Variants in LARP1B observed in about 807,000 individuals in gnomAD.
LARP1B encodes La ribonucleoprotein 1B.
A neutral mutation model predicts 114.2 loss-of-function variants in LARP1B; 76 were observed. The ratio of observed to expected loss-of-function variants is 0.67; its 90% confidence interval spans 0.55 to 0.81. The LOEUF is 0.81. LARP1B is among the 30% of genes least tolerant of loss of function. LARP1B has a pLI of 0.00. For missense variants in LARP1B, 1,014 were observed against 1,075.8 expected, an observed-to-expected ratio of 0.94 and a Z score of 0.80; for synonymous variants, 345 against 348.0, an observed-to-expected ratio of 0.99 and a Z score of 0.10.
At chr4:128,196,329 G>A (rs1388520267) in intron 15 of LARP1B, among the ~76,000 whole-genome samples, 4 of 147,788 alleles carry the variant, frequency 2.7e-5, no homozygotes, top group African/African-American at 5.0e-5. Flanking sequence ...CCCAGCCTGC[G>A]CAACACGGTG....
chr4:128,106,631 A>T (rs1470456951), intron 8 of LARP1B, among the ~76,000 whole-genome samples: 1 of 151,674 alleles, frequency 6.6e-6, no homozygotes, highest in Non-Finnish European at 1.5e-5. Flanking sequence ...GTTGTCTCAT[A>T]CTAGATCTGT....
chr4:128,145,912 C>T (rs1730144662), intron 11 of LARP1B, among the ~76,000 whole-genome samples: 1 of 152,180 alleles, frequency 6.6e-6, no homozygotes, highest in Admixed American at 6.5e-5. Context: ...ATACCCATTA[C>T]ATCATAAAAT....
chr4:128,127,523 A>G (rs1192963542), intron 11 of LARP1B, among the ~76,000 whole-genome samples: 1 of 152,186 alleles, frequency 6.6e-6, no homozygotes, highest in African/African-American at 2.4e-5. Context: ...CATAGTAGTC[A>G]AAACACTCTT....
intron 7 of LARP1B, among the ~76,000 whole-genome samples, chr4:128,091,948 A>T (rs1315182384): frequency 6.6e-6 from 1 of 152,216 alleles, no homozygotes; most frequent in African/African-American, 2.4e-5. Flanking sequence ...AAATGTTAAA[A>T]ATTATTTTGA....
intron 9 of LARP1B, 152 bp downstream of exon 9, chr4:128,107,465 C>G (rs1479364066): frequency 1.4e-6 from 2 of 1,467,592 alleles, no homozygotes; most frequent in Non-Finnish European, 1.8e-6. Flanking sequence ...TTCATATTGC[C>G]TCACTCACAG....
chr4:128,118,703 C>T (rs1300531393), intron 10 of LARP1B, among the ~76,000 whole-genome samples: 1 of 151,908 alleles, frequency 6.6e-6, no homozygotes, highest in Admixed American at 6.6e-5. Flanking sequence ...AAGTTCTCTT[C>T]TGATATTTTC....
intron 1 of LARP1B, among the ~76,000 whole-genome samples, chr4:128,063,999 C>T (rs1056066022): frequency 6.6e-6 from 1 of 151,772 alleles, no homozygotes; most frequent in East Asian, 2.0e-4. Flanking sequence ...TGGCTGTGCG[C>T]GGTGGCACAC....
intron 12 of LARP1B, among the ~76,000 whole-genome samples, chr4:128,166,948 CTCTCTCTCTCTCTCTCTCTCTCTA>C (rs1448903739): frequency 1.8e-5 from 2 of 108,424 alleles, no homozygotes; most frequent in East Asian, 2.8e-4. Context: ...CTCTCTCTCT[CTCTCTCTCTCTCTCTCTCTCTCTA>C]TATATATATA....
At chr4:128,158,842 CATCTT>C (rs1175923538) in intron 11 of LARP1B, among the ~76,000 whole-genome samples, 13 of 152,034 alleles carry the variant, frequency 8.6e-5, no homozygotes, top group Non-Finnish European at 1.9e-4. Context: ...TCAAAAGTCA[CATCTT>C]ATATATAACT....
intron 11 of LARP1B, chr4:128,156,216 C>T: frequency 6.3e-7 from 1 of 1,579,082 alleles, no homozygotes; most frequent in African/African-American, 1.3e-5. Flanking sequence ...GCACCCGAGC[C>T]TTACTCCCTG....
chr4:128,205,222 C>T (rs1031197665), intron 17 of LARP1B, among the ~76,000 whole-genome samples: 2 of 152,236 alleles, frequency 1.3e-5, no homozygotes, highest in Non-Finnish European at 2.9e-5. Context: ...AAGAGACACA[C>T]AATCACATAC....
At chr4:128,217,764 A>T (rs1168594962) in intron 6 of LARP1B, among the ~76,000 whole-genome samples, 1 of 120,934 alleles carries the variant, frequency 8.3e-6, no homozygotes, top group Non-Finnish European at 1.7e-5. Flanking sequence ...CACCGCTCCT[A>T]TTCAACATAG....
At chr4:128,180,246 C>A (rs1262585478) in intron 15 of LARP1B, among the ~76,000 whole-genome samples, 1 of 152,008 alleles carries the variant, frequency 6.6e-6, no homozygotes, top group Non-Finnish European at 1.5e-5. Flanking sequence ...GCCACCTCAC[C>A]CAGCCTGTGT....
intron 10 of LARP1B, among the ~76,000 whole-genome samples, chr4:128,117,394 T>G (rs1342860717): frequency 6.6e-6 from 1 of 151,908 alleles, no homozygotes; most frequent in Non-Finnish European, 1.5e-5. Context: ...ATTTATCTAT[T>G]TATTTTTTTC....
At chr4:128,188,862 T>C (rs1279764810) in intron 15 of LARP1B, among the ~76,000 whole-genome samples, 2 of 152,240 alleles carry the variant, frequency 1.3e-5, no homozygotes, top group East Asian at 3.8e-4. Flanking sequence ...GAAAAGATAC[T>C]TGATATGATT....
At chr4:128,142,658 G>A (rs371148113) in intron 11 of LARP1B, among the ~76,000 whole-genome samples, 8 of 151,850 alleles carry the variant, frequency 5.3e-5, no homozygotes, top group African/African-American at 1.7e-4. Flanking sequence ...ACAGGCATGC[G>A]CCACCACACC....
rs759345001 is a variant in LARP1B, at chr4:128,077,861, G to T, written c.116G>T (p.Arg39Ile). ...GAAAAAGAAGAGAAGGTTGAAAAGA[G>T]AAGTAACAGTGACAGCAAAGAAAAC... ...RKEKEEKVEK[R>I]SNSDSKENRE... Residue 39 changes from arginine (R) to isoleucine (I), a missense_variant, in exon 4 of 20, where the codon AGA becomes ATA. Physicochemically the swap from Arg to Ile is moderately conservative, Grantham distance 97 (BLOSUM62 -3). Transcript: ENST00000326639. 1.9e-6 allele frequency: 3 copies of T among 1,612,802 alleles called. No homozygotes were observed. The highest frequency in any genetic ancestry group is 3.3e-5 in the Admixed American group (2 of 59,878).
chr4:128,099,914 T>G (rs893390448), intron 8 of LARP1B, among the ~76,000 whole-genome samples: 1 of 152,130 alleles, frequency 6.6e-6, no homozygotes, highest in African/African-American at 2.4e-5. Context: ...ATTGTCAGTT[T>G]TTTGAATAAT....
intron 1 of LARP1B, among the ~76,000 whole-genome samples, chr4:128,072,236 G>C (rs1765652193): frequency 2.0e-5 from 3 of 149,808 alleles, no homozygotes; most frequent in Admixed American, 2.0e-4. Context: ...CCTGACCTCA[G>C]GTAATCTGCC....
Sources: gnomAD v4.1 joint callset for allele counts (sites outside exome capture counted in the v4.1 genomes callset) on GRCh38, gnomAD v4.1.1 for gene constraint, MANE v1.5 for transcripts, NCBI Gene and HGNC (gene_info 2026-07-23, HGNC 2026-07-21) for gene names.